Variants in WDR90 observed in about 807,000 individuals in gnomAD.
WDR90 encodes WD repeat domain 90, also known as WD repeat-containing protein 90.
In WDR90, 238 loss-of-function variants were observed where a neutral mutation model predicts 195.2. That is an observed-to-expected ratio of 1.22 (90% CI 1.10 to 1.36). The LOEUF is 1.36. Among genes scored for constraint, WDR90 ranks in the 40% most tolerant of loss-of-function variants. WDR90 has a pLI of 0.00. For missense variants in WDR90, 2,734 were observed against 2,439.5 expected (o/e 1.12, Z -2.54); for synonymous variants, 1,265 against 1,052.4 (o/e 1.20, Z -3.91).
rs201833016 is a variant in WDR90 at position 657,789 on chromosome 16, C to G, written c.2501C>G (p.Ala834Gly). The change falls in exon 21 of 41, where the codon GCG (alanine) becomes GGG (glycine). Residue 834 changes from alanine (A) to glycine (G), a missense_variant. Physicochemically the swap from Ala to Gly is moderately conservative, Grantham distance 60 (BLOSUM62 0). Coordinates refer to ENST00000293879, the MANE Select transcript of WDR90 (RefSeq NM_145294.5). Reference protein sequence around the residue: ...AADMVCPDAPASPSALAVSRD... With the variant: ...AADMVCPDAPGSPSALAVSRD... ...GACATGGTATGCCCGGATGCCCCCG[C>G]GAGCCCCAGCGCCCTGGCAGTCAGC... The G allele has an allele frequency of 6.4e-7, 1 of 1,551,412 alleles. No individual in the cohort carries two copies.
rs375470273 is a variant in WDR90, at chr16:655,313, G to A, written c.1563G>A (p.Ala521=). The A allele has an allele frequency of 5.9e-5, 95 of 1,605,768 alleles. No homozygotes were observed. The highest frequency in any genetic ancestry group is 3.3e-4 in the Middle Eastern group (2 of 6,084). The change falls in exon 15 of 41, where the codon GCG becomes GCA. Residue 521 remains alanine (A), a synonymous_variant. Transcript: ENST00000293879. Reference sequence around the variant, plus strand: ...CAGTCCTCATTCCTTGCAGGATGGCGTCGTGCGGGCAGGGCAGTGTGCGGC... The same window carrying A: ...CAGTCCTCATTCCTTGCAGGATGGCATCGTGCGGGCAGGGCAGTGTGCGGC... ...RVTFFDETRM[A]SCGQGSVRLW...
chr16:652,037 G>A lies in WDR90; in HGVS notation c.1051G>A (p.Glu351Lys), dbSNP rs776791345. ...GCCCGTGGCCCGCACCGGCTCCTGC[G>A]AAGTGAGTGCCCATCCCACAGCAGG... ...EVPVARTGSC[E>K]GFLPDPVLRL... Residue 351 changes from glutamate (E) to lysine (K), a missense_variant and splice_region_variant, in exon 9 of 41, where the codon GAA becomes AAA. Physicochemically the swap from Glu to Lys is moderately conservative, Grantham distance 56 (BLOSUM62 1). Coordinates refer to ENST00000293879, the MANE Select transcript of WDR90 (RefSeq NM_145294.5). 2.1e-5 allele frequency: 33 copies of A among 1,590,776 alleles called. No homozygotes were observed. In the South Asian group the frequency reaches 3.5e-4, roughly 17 times the overall value.
chr16:660,782 C>T, intron 28 of WDR90, 68 bp downstream of exon 28: 2 of 1,481,494 alleles, frequency 1.3e-6, no homozygotes, highest in Admixed American at 2.1e-5. Context: ...CCGTCTCCAC[C>T]CCAAGGCCAG....
chr16:650,380 T>G lies in WDR90; in HGVS notation c.388+18T>G, dbSNP rs1596457881. On this transcript the variant is annotated intron_variant, in intron 4 of 40. Transcript: ENST00000293879. Reference sequence around the variant, plus strand: ...TCAGAGAGGTGACACCAAGATGGGGTGTGGATGATCCAGGACAGGTGGCTG... The same window carrying G: ...TCAGAGAGGTGACACCAAGATGGGGGGTGGATGATCCAGGACAGGTGGCTG... 1 of 1,608,528 alleles carries G rather than the reference T, an allele frequency of 6.2e-7. No individual in the cohort carries two copies. Among genetic ancestry groups the G allele is most frequent in the Non-Finnish European group, 8.5e-7 (1 of 1,176,638 alleles).
In WDR90 at chr16:662,688, C is replaced by G. The variant is rs1012779008; in HGVS notation, c.4155C>G (p.Phe1385Leu). The change falls in exon 34 of 41, where the codon TTC (phenylalanine) becomes TTG (leucine). Residue 1385 changes from phenylalanine to leucine, a missense_variant. Coordinates refer to ENST00000293879, the MANE Select transcript of WDR90 (RefSeq NM_145294.5). ...GCACCCTGAGGTCCAGTTCTGTGTTCATGGAACACGAGCTGGTGCTGGACG... is the reference window on the plus strand; with the variant it reads ...GCACCCTGAGGTCCAGTTCTGTGTTGATGGAACACGAGCTGGTGCTGGACG... ...RCKGSGASSV[F>L]MEHELVLDGA... 5.2e-6 allele frequency: 8 copies of G among 1,552,824 alleles called. No homozygotes were observed. Among genetic ancestry groups the G allele is most frequent in the Non-Finnish European group, 6.1e-6 (7 of 1,145,936 alleles).
Position 651,902 on chromosome 16 carries a change from G to T in WDR90, c.916G>T (p.Ala306Ser). 1 of 1,611,186 alleles carries T rather than the reference G, an allele frequency of 6.2e-7. No individual in the cohort carries two copies. The highest frequency in any genetic ancestry group is 8.5e-7 in the Non-Finnish European group (1 of 1,179,722). The change falls in exon 9 of 41, where the codon GCG (alanine) becomes TCG (serine). Residue 306 changes from alanine to serine, a missense_variant. Ala to Ser is a moderately conservative substitution (Grantham distance 99). Coordinates refer to ENST00000293879, the MANE Select transcript of WDR90 (RefSeq NM_145294.5). ...LSQERSDASN[A>S]DGPGFHSLEP... The stretch of plus-strand genomic sequence containing the variant: ...CCAAGAGCGCTCAGACGCCTCCAAC[G>T]CGGATGGCCCCGGTTTCCATAGCCT...
chr16:659,094 G>A lies in WDR90; in HGVS notation c.3020G>A (p.Ser1007Asn), dbSNP rs1341082575. ...DVLAPTESDQ[S>N]FPGAPPACKT... Reference sequence around the variant, plus strand: ...CTCTCCTCCCTCTCCAGCGACCAAAGCTTCCCCGGGGCCCCCCCAGCCTGC... The same window carrying A: ...CTCTCCTCCCTCTCCAGCGACCAAAACTTCCCCGGGGCCCCCCCAGCCTGC... Residue 1007 changes from serine to asparagine, a missense_variant, in exon 25 of 41, where the codon AGC becomes AAC. Transcript: ENST00000293879. 6.2e-7 allele frequency: 1 copy of A among 1,612,662 alleles called. No individual in the cohort carries two copies. Among genetic ancestry groups the A allele is most frequent in the Admixed American group, 1.7e-5 (1 of 60,000 alleles).
At chr16:653,842 CT>C in intron 13 of WDR90, 39 bp downstream of exon 13, 1 of 1,609,490 alleles carries the variant, frequency 6.2e-7, no homozygotes, top group Non-Finnish European at 8.5e-7. Context: ...TGGGGCTGTC[CT>C]GATGCACGCA....
chr16:659,207 C>A, intron 25 of WDR90, 38 bp from the exon 26 acceptor site: 3 of 1,610,704 alleles, frequency 1.9e-6, no homozygotes, highest in Non-Finnish European at 2.5e-6. Context: ...GGCCCTTCCT[C>A]TTCCTTCCCA....
intron 34 of WDR90, among the ~76,000 whole-genome samples, chr16:664,095 C>G (rs938886630): frequency 3.9e-5 from 6 of 152,170 alleles, no homozygotes; most frequent in Non-Finnish European, 5.9e-5. Flanking sequence ...TTTCTGGAAG[C>G]AGGTTTGCTG....
chr16:655,515 G>C, intron 15 of WDR90, 47 bp downstream of exon 15: 1 of 1,542,752 alleles, frequency 6.5e-7, no homozygotes, highest in Non-Finnish European at 8.7e-7. Context: ...TGGGGGCCCT[G>C]GTGCCTGGGC....
At chr16:657,376 T>C in intron 20 of WDR90, 155 bp downstream of exon 20, 2 of 1,199,258 alleles carry the variant, frequency 1.7e-6, no homozygotes. Context: ...GTCAAGGCCC[T>C]GAGGAGACTG....
rs368519441 is a variant in WDR90 at position 666,809 on chromosome 16, G to T, written c.5004+17G>T. 2 of 1,612,620 alleles carry T rather than the reference G, an allele frequency of 1.2e-6. No individual in the cohort carries two copies. Among genetic ancestry groups the T allele is most frequent in the Admixed American group, 1.7e-5 (1 of 60,000 alleles). On this transcript the variant is annotated intron_variant, in intron 39 of 40. Coordinates refer to ENST00000293879, the MANE Select transcript of WDR90 (RefSeq NM_145294.5). ...CAGAAGCAGGTACACGCAGCTGCCCGCGTGTCACTGGGAGCCCCAGGGATC... is the reference window on the plus strand; with the variant it reads ...CAGAAGCAGGTACACGCAGCTGCCCTCGTGTCACTGGGAGCCCCAGGGATC...
At chr16:666,855 G>C in intron 39 of WDR90, 50 bp from the exon 40 acceptor site, 1 of 1,612,912 alleles carries the variant, frequency 6.2e-7, no homozygotes, top group African/African-American at 1.3e-5. Context: ...GGTGGGGCCT[G>C]GCTGAGCCCT....
Position 666,954 on chromosome 16 carries a change from C to G in WDR90, c.5054C>G (p.Ser1685Cys). The G allele has an allele frequency of 6.2e-7, 1 of 1,611,160 alleles. No homozygotes were observed. The highest frequency in any genetic ancestry group is 8.5e-7 in the Non-Finnish European group (1 of 1,178,722). The part of the protein sequence containing the change: ...LPFFAMSLSL[S>C]PGTHLLAVGF... Reference sequence around the variant, plus strand: ...TTTTTTGCCATGTCCCTGAGCCTGTCCCCCGGGACCCACCTCCTGGCTGTT... The same window carrying G: ...TTTTTTGCCATGTCCCTGAGCCTGTGCCCCGGGACCCACCTCCTGGCTGTT... The change falls in exon 40 of 41, where the codon TCC becomes TGC. Residue 1685 changes from serine (S) to cysteine (C), a missense_variant. By Grantham distance (112) the Ser-to-Cys change is moderately radical. Transcript: ENST00000293879.
intron 10 of WDR90, among the ~76,000 whole-genome samples, chr16:652,801 TC>T (rs1176612410): frequency 3.3e-5 from 5 of 151,968 alleles, no homozygotes; most frequent in Admixed American, 1.3e-4. Context: ...GGCTAAGTGC[TC>T]CCCCCGAAGA....
chr16:653,106 G>A (rs544234357), intron 10 of WDR90, among the ~76,000 whole-genome samples: 21 of 152,066 alleles, frequency 1.4e-4, no homozygotes, highest in South Asian at 6.2e-4. Context: ...GTGTGTACAC[G>A]TGTCTGCTTG....
chr16:664,828 C>T (rs560010849), intron 34 of WDR90, among the ~76,000 whole-genome samples: 76 of 152,148 alleles, frequency 5.0e-4, no homozygotes, highest in African/African-American at 1.7e-3. Context: ...TACAGGCACC[C>T]GCCACCACGC....
chr16:662,142 C>T (rs2037930252), intron 32 of WDR90, 78 bp from the exon 33 acceptor site: 4 of 1,539,686 alleles, frequency 2.6e-6, no homozygotes, highest in Middle Eastern at 1.7e-4. Flanking sequence ...CATCTGTAGC[C>T]CTGGCGTCCG....
Sources: allele counts gnomAD v4.1 joint callset (sites outside exome capture counted in the v4.1 genomes callset), GRCh38; gene constraint gnomAD v4.1.1; transcripts MANE v1.5; gene names NCBI Gene and HGNC (gene_info 2026-07-23, HGNC 2026-07-21).